Variants in SP2 observed in about 807,000 individuals in gnomAD.
The protein encoded by SP2 is Sp2 transcription factor.
SP2 carries 9 observed loss-of-function variants against 50.1 expected under a neutral mutation model. The ratio of observed to expected loss-of-function variants is 0.18; its 90% CI spans 0.11 to 0.31. The LOEUF is 0.31. Ranked by LOEUF, SP2 falls within the 10% of genes least tolerant of loss-of-function variation. The pLI, the probability that SP2 is intolerant of heterozygous loss-of-function variation, is 1.00. For synonymous variants in SP2, 313 were observed against 326.6 expected, an observed-to-expected ratio of 0.96 and a Z score of 0.45; for missense variants, 581 against 806.5, an observed-to-expected ratio of 0.72 and a Z score of 3.39.
At chr17:47,924,847 A>G in intron 4 of SP2, 72 bp from the exon 5 acceptor site, 1 of 1,366,566 alleles carries the variant, frequency 7.3e-7, no homozygotes, top group Non-Finnish European at 1.0e-6. Flanking sequence ...TGTCATGTGC[A>G]GAAGGGCAGA....
intron 5 of SP2, 109 bp downstream of exon 5, chr17:47,925,202 G>C: frequency 6.8e-7 from 1 of 1,461,432 alleles, no homozygotes; most frequent in Non-Finnish European, 9.2e-7. Context: ...AGGAAGAGCT[G>C]GCAGCTCTGT....
intron 1 of SP2, among the ~76,000 whole-genome samples, chr17:47,914,371 C>CAAA (rs34419607): frequency 1.7e-4 from 19 of 112,292 alleles, no homozygotes; most frequent in African/African-American, 6.0e-4. Context: ...AACTCCTTCT[C>CAAA]AAAAAAAAAA....
At chr17:47,920,663 C>T (rs896728787) in intron 3 of SP2, among the ~76,000 whole-genome samples, 2 of 152,042 alleles carry the variant, frequency 1.3e-5, no homozygotes, top group African/African-American at 4.8e-5. Flanking sequence ...CCTTATGATC[C>T]ACCCGCCTCG....
Position 47,927,747 on chromosome 17 carries a change from C to A in SP2, c.1765C>A (p.Gln589Lys). ...AGGGGACAAACGCTTCGAGTGCGCC[C>A]AGTGTCAGAAGCGCTTCATGAGGAG... is the stretch of plus-strand genomic sequence containing the variant. Reference protein sequence around the residue: ...HTGDKRFECAQCQKRFMRSDH... With the variant: ...HTGDKRFECAKCQKRFMRSDH... The change falls in exon 7 of 7, where the codon CAG (glutamine) becomes AAG (lysine). Residue 589 changes from glutamine (Q) to lysine (K), a missense_variant. Transcript: ENST00000376741. 6.3e-7 allele frequency: 1 copy of A among 1,591,650 alleles called. No homozygotes were observed. The highest frequency in any genetic ancestry group is 2.3e-5 in the East Asian group (1 of 44,160).
intron 1 of SP2, among the ~76,000 whole-genome samples, chr17:47,902,895 A>C (rs1405712105): frequency 6.6e-6 from 1 of 152,234 alleles, no homozygotes. Context: ...AGCTGGGATT[A>C]CAGGCGGGCA....
At chr17:47,904,296 A>G (rs2034670452) in intron 1 of SP2, among the ~76,000 whole-genome samples, 2 of 150,490 alleles carry the variant, frequency 1.3e-5, no homozygotes, top group African/African-American at 4.9e-5. Context: ...AGAAGTAGCC[A>G]TTAGGTTTTT....
intron 1 of SP2, among the ~76,000 whole-genome samples, chr17:47,906,561 T>A (rs536617109): frequency 6.6e-6 from 1 of 152,348 alleles, no homozygotes; most frequent in East Asian, 1.9e-4. Context: ...TGTTACATAA[T>A]GGCTCTTAAA....
intron 1 of SP2, among the ~76,000 whole-genome samples, chr17:47,896,776 G>A (rs2034355426): frequency 6.6e-6 from 1 of 152,220 alleles, no homozygotes; most frequent in Admixed American, 6.5e-5. Flanking sequence ...AGAACAGAGA[G>A]GGGCGAGGGA....
At position 47,924,851 on chromosome 17, in the gene SP2, G is replaced by A. The variant is rs577592332; in HGVS notation, c.1373-68G>A. On this transcript the variant is annotated intron_variant, in intron 4 of 6. Transcript: ENST00000376741. ...ATTATCATCTTTGTCATGTGCAGAA[G>A]GGCAGAAGGGTTGACTCGAGGTTTC... The A allele has an allele frequency of 8.7e-5, 122 of 1,404,658 alleles. No individual in the cohort carries two copies. The South Asian group carries it at 1.5e-3, about 18-fold the overall frequency. 87.0% of individuals were successfully genotyped at this position (1,404,658 alleles called of 1,614,324 possible). A position where few individuals can be genotyped will look rare whatever the true frequency, so the allele number is the denominator to read the frequency against.
chr17:47,907,117 C>T (rs2034795240), intron 1 of SP2, among the ~76,000 whole-genome samples: 1 of 151,982 alleles, frequency 6.6e-6, no homozygotes, highest in Admixed American at 6.6e-5. Flanking sequence ...GCAGGTGCAG[C>T]ATGAGCGCAG....
At chr17:47,901,548 A>G (rs1308768601) in intron 1 of SP2, among the ~76,000 whole-genome samples, 1 of 152,130 alleles carries the variant, frequency 6.6e-6, no homozygotes, top group Non-Finnish European at 1.5e-5. Context: ...ATGCATGTCA[A>G]TGGAGAGAAG....
chr17:47,921,309 C>T (rs2035447942), intron 3 of SP2, among the ~76,000 whole-genome samples: 1 of 152,146 alleles, frequency 6.6e-6, no homozygotes, highest in Non-Finnish European at 1.5e-5. Flanking sequence ...AGTGCAGTGG[C>T]ACAATCTCGA....
intron 6 of SP2, among the ~76,000 whole-genome samples, chr17:47,926,201 G>T (rs1315806922): frequency 6.6e-6 from 1 of 151,890 alleles, no homozygotes; most frequent in Admixed American, 6.6e-5. Context: ...AGAGGCGTGA[G>T]CCACTGCGCC....
intron 3 of SP2, among the ~76,000 whole-genome samples, chr17:47,919,825 C>CTTTTTTTTTTTTTTTTTTTTTTT (rs141856390): frequency 6.3e-5 from 6 of 94,800 alleles, no homozygotes; most frequent in African/African-American, 2.1e-4. Flanking sequence ...TTTGTCATTC[C>CTTTTTTTTTTTTTTTTTTTTTTT]TTTTTTTTTT....
intron 1 of SP2, chr17:47,897,697 T>C (rs1234926290): frequency 4.9e-6 from 1 of 204,838 alleles, no homozygotes; most frequent in African/African-American, 2.4e-5. Context: ...AAGGAAATAA[T>C]GGTGGAGTCC....
chr17:47,915,279 T>G (rs761773651), intron 1 of SP2, 33 bp from the exon 2 acceptor site: 1 of 1,508,146 alleles, frequency 6.6e-7, no homozygotes, highest in Non-Finnish European at 9.1e-7. Context: ...TTTGGGCATT[T>G]TATACATTAC....
Position 47,927,926 on chromosome 17 carries a change from A to G in SP2, c.*102A>G. ...CTGTGGCTGCCTTGGGCCTGCCCTC[A>G]GCCCCACTCCTGTTCTGCAACTGTC... On this transcript the variant is annotated 3_prime_UTR_variant, in exon 7 of 7. Coordinates refer to ENST00000376741, the MANE Select transcript of SP2 (RefSeq NM_003110.6). 4.2e-6 allele frequency: 3 copies of G among 713,916 alleles called. No homozygotes were observed. The highest frequency in any genetic ancestry group is 2.5e-6 in the Non-Finnish European group (1 of 396,502). 44.2% of individuals were successfully genotyped at this position (713,916 alleles called of 1,614,324 possible).
In SP2 at chr17:47,927,867, T is replaced by C; in HGVS notation, c.*43T>C. The C allele has an allele frequency of 1.7e-6, 2 of 1,211,734 alleles. No homozygotes were observed. The highest frequency in any genetic ancestry group is 2.4e-6 in the Non-Finnish European group (2 of 835,150). 75.1% of individuals were successfully genotyped at this position (1,211,734 alleles called of 1,614,324 possible). The stretch of plus-strand genomic sequence containing the variant: ...GGCCCTGAAGATGCAGTCCCCCACC[T>C]GTGTCCTCCCTGGGCCCCTGGTGGA... On this transcript the variant is annotated 3_prime_UTR_variant, in exon 7 of 7. Coordinates refer to ENST00000376741, the MANE Select transcript of SP2 (RefSeq NM_003110.6).
downstream of SP2, among the ~76,000 whole-genome samples, chr17:47,930,599 C>G (rs538378766): frequency 1.3e-5 from 2 of 152,342 alleles, no homozygotes; most frequent in East Asian, 3.9e-4. Flanking sequence ...CACAGAAAGA[C>G]TTGTGGGCAA....
Sources: allele counts gnomAD v4.1 joint callset (sites outside exome capture counted in the v4.1 genomes callset), GRCh38; gene constraint gnomAD v4.1.1; transcripts MANE v1.5; gene names NCBI Gene and HGNC (gene_info 2026-07-23, HGNC 2026-07-21).